The following PRKN variants were observed in gnomAD, a reference collection of about 807,000 sequenced individuals.
PRKN encodes the protein E3 ubiquitin-protein ligase parkin.
Under a neutral mutation model 59.5 loss-of-function variants are expected in PRKN, and 56 were observed. The observed-to-expected ratio is 0.94, with a 90% confidence interval of 0.76 to 1.18. The LOEUF is 1.18. Ranked by LOEUF, PRKN falls within the 50% of genes most tolerant of loss-of-function variation. PRKN has a pLI of 0.00. For missense variants in PRKN, 657 were observed against 596.4 expected, an observed-to-expected ratio of 1.10 and a Z score of -1.06; for synonymous variants, 250 against 222.1, an observed-to-expected ratio of 1.13 and a Z score of -1.12.
At chr6:162,336,199 T>C (rs1316661549) in intron 2 of PRKN, among the ~76,000 whole-genome samples, 1 of 152,134 alleles carries the variant, frequency 6.6e-6, no homozygotes, top group East Asian at 1.9e-4. Flanking sequence ...TTCATAAAAC[T>C]CAACAGAATA....
At chr6:161,896,873 T>C (rs1777647528) in intron 6 of PRKN, among the ~76,000 whole-genome samples, 2 of 152,152 alleles carry the variant, frequency 1.3e-5, no homozygotes, top group Admixed American at 6.5e-5. Flanking sequence ...CTAGATAATA[T>C]AATATTCAGA....
At chr6:162,069,081 AT>A (rs1366130119) in intron 4 of PRKN, among the ~76,000 whole-genome samples, 1 of 152,052 alleles carries the variant, frequency 6.6e-6, no homozygotes, top group Non-Finnish European at 1.5e-5. Context: ...TTGGGAGATG[AT>A]ATGGTTTGGC....
intron 10 of PRKN, among the ~76,000 whole-genome samples, chr6:161,382,956 G>T (rs1786061416): frequency 6.6e-6 from 1 of 152,154 alleles, no homozygotes; most frequent in African/African-American, 2.4e-5. Flanking sequence ...AGTCACAAAT[G>T]GCTCAAAGCA....
rs528599834 is a variant in PRKN, at chr6:161,981,179, C to T, written c.619-7762G>A. ...CTGTCACTTCAAATCAATCTAAATG[C>T]CTCTCACAAACCTAAAATCCTGTTT... On this transcript the variant is annotated intron_variant, in intron 5 of 11. Coordinates refer to ENST00000366898, the MANE Select transcript of PRKN (RefSeq NM_004562.3). 3.3e-5 allele frequency among the ~76,000 whole-genome samples: 5 copies of T among 152,216 alleles called. No homozygotes were observed. In the South Asian group the frequency reaches 1.0e-3, roughly 32 times the overall value.
intron 5 of PRKN, among the ~76,000 whole-genome samples, chr6:161,991,045 A>T (rs1781626492): frequency 6.6e-6 from 1 of 152,226 alleles, no homozygotes; most frequent in Non-Finnish European, 1.5e-5. Flanking sequence ...CCATCAGACA[A>T]ACAGCAGATT....
Position 162,393,332 on chromosome 6 carries a change from G to C in PRKN, c.171+49978C>G, listed in dbSNP as rs139889290. On this transcript the variant is annotated intron_variant, in intron 2 of 11. Coordinates refer to ENST00000366898, the MANE Select transcript of PRKN (RefSeq NM_004562.3). The stretch of plus-strand genomic sequence containing the variant: ...CTGCCACCACGCCCAGCTAATTTTT[G>C]TATTTTTAGTAGAGACGGGGTTTCA... Among the ~76,000 whole-genome samples the C allele has an allele frequency of 3.7e-4, 56 of 151,468 alleles. No individual in the cohort carries two copies. The East Asian group carries it at 7.4e-3, about 20-fold the overall frequency.
chr6:162,203,293 C>A (rs1784808380), intron 3 of PRKN, among the ~76,000 whole-genome samples: 1 of 152,046 alleles, frequency 6.6e-6, no homozygotes, highest in Non-Finnish European at 1.5e-5. Flanking sequence ...AATGTCTGTG[C>A]CCTAGAAGCA....
chr6:161,439,025 A>T (rs1380722345), intron 9 of PRKN, among the ~76,000 whole-genome samples: 1 of 152,212 alleles, frequency 6.6e-6, no homozygotes, highest in Non-Finnish European at 1.5e-5. Context: ...ACAGACTCAA[A>T]TTTTAAGTCG....
intron 4 of PRKN, among the ~76,000 whole-genome samples, chr6:162,129,179 G>A (rs1781243606): frequency 6.6e-6 from 1 of 152,110 alleles, no homozygotes; most frequent in Non-Finnish European, 1.5e-5. Flanking sequence ...AATTTACTGG[G>A]TAGCTTTATA....
chr6:161,734,945 C>T (rs958715502), intron 7 of PRKN, among the ~76,000 whole-genome samples: 3 of 151,304 alleles, frequency 2.0e-5, no homozygotes, highest in Non-Finnish European at 4.4e-5. Context: ...TAAACACATG[C>T]TTACAAACAC....
At position 161,661,389 on chromosome 6, in the gene PRKN, A is replaced by G. The variant is rs1784539100; in HGVS notation, c.872-91973T>C. ...TCAGGGCCTGTGTGTCTGCAGCTCC[A>G]TCTGCCTGGAACTCCCCTCCCAGAT... On this transcript the variant is annotated intron_variant, in intron 7 of 11. Transcript: ENST00000366898. Among the ~76,000 whole-genome samples, 3 of 152,020 alleles carry G rather than the reference A, an allele frequency of 2.0e-5. 1 individual carries two copies. In the South Asian group the frequency reaches 6.2e-4, roughly 32 times the overall value.
At chr6:162,339,560 G>C (rs1299210021) in intron 2 of PRKN, among the ~76,000 whole-genome samples, 1 of 147,782 alleles carries the variant, frequency 6.8e-6, no homozygotes, top group African/African-American at 2.5e-5. Context: ...TCCGGGAGGT[G>C]AGGGGCGCCT....
At chr6:161,441,537 C>T (rs1176421001) in intron 9 of PRKN, among the ~76,000 whole-genome samples, 6 of 150,306 alleles carry the variant, frequency 4.0e-5, no homozygotes, top group African/African-American at 1.2e-4. Context: ...CCCAGCTACT[C>T]GGGAGGCCAA....
chr6:162,511,801 G>A (rs771001902), intron 1 of PRKN, among the ~76,000 whole-genome samples: 1 of 152,048 alleles, frequency 6.6e-6, no homozygotes. Flanking sequence ...GCTTTGTATA[G>A]AAAAAAGGAC....
chr6:161,963,420 C>G (rs1780460926), intron 6 of PRKN, among the ~76,000 whole-genome samples: 1 of 152,210 alleles, frequency 6.6e-6, no homozygotes, highest in South Asian at 2.1e-4. Flanking sequence ...ATCTGAAGCC[C>G]ACAGGTTCAC....
chr6:162,718,893 T>C (rs1778827690), intron 1 of PRKN, among the ~76,000 whole-genome samples: 1 of 152,040 alleles, frequency 6.6e-6, no homozygotes, highest in South Asian at 2.1e-4. Flanking sequence ...GATATAAAAG[T>C]CAATACCTAT....
chr6:162,072,868 G>C (rs374627529), intron 4 of PRKN, among the ~76,000 whole-genome samples: 1 of 152,138 alleles, frequency 6.6e-6, no homozygotes, highest in South Asian at 2.1e-4. Context: ...AATACCACAC[G>C]CATAGTGAAT....
At chr6:161,773,715 G>T (rs555880425) in intron 7 of PRKN, among the ~76,000 whole-genome samples, 1 of 152,282 alleles carries the variant, frequency 6.6e-6, no homozygotes, top group African/African-American at 2.4e-5. Flanking sequence ...GTTTTTGGCA[G>T]AAATGGGTGG....
chr6:162,469,489 G>GGT (rs1302047953), intron 1 of PRKN, among the ~76,000 whole-genome samples: 1 of 125,256 alleles, frequency 8.0e-6, no homozygotes, highest in Non-Finnish European at 1.7e-5. Flanking sequence ...AAGAAACTGT[G>GGT]GTATGTGTGT....
Sources: allele counts gnomAD v4.1 joint callset (sites outside exome capture counted in the v4.1 genomes callset), GRCh38; gene constraint gnomAD v4.1.1; transcripts MANE v1.5; gene names NCBI Gene and HGNC (gene_info 2026-07-23, HGNC 2026-07-21).